CLVS1: variants seen among roughly 807,000 people sequenced by gnomAD.
CLVS1 encodes the protein clavesin-1.
A neutral mutation model predicts 33.1 loss-of-function variants in CLVS1; 10 were observed. The observed-to-expected ratio is 0.30, with a 90% CI of 0.19 to 0.51. The LOEUF (loss-of-function observed/expected upper bound fraction) is 0.51. Among genes scored for constraint, CLVS1 ranks in the 20% least tolerant of loss-of-function variants. CLVS1 has a pLI of 0.97. For missense variants in CLVS1, 343 were observed against 433.4 expected (o/e 0.79, Z 1.85); for synonymous variants, 163 against 166.1 (o/e 0.98, Z 0.14).
At chr8:61,341,116 A>G (rs1285375180) in intron 2 of CLVS1, among the ~76,000 whole-genome samples, 1 of 152,212 alleles carries the variant, frequency 6.6e-6, no homozygotes, top group South Asian at 2.1e-4. Flanking sequence ...AAAAGAATAA[A>G]TTATGCCTCG....
chr8:60,981,520 G>C, the CLVS1 span, among the ~76,000 whole-genome samples: 2 of 152,224 alleles, frequency 1.3e-5, no homozygotes, highest in African/African-American at 4.8e-5. Context: ...GTCCACGGAG[G>C]GGACTCATAC....
At chr8:61,406,933 AT>A (rs1268234756) in intron 3 of CLVS1, among the ~76,000 whole-genome samples, 1 of 152,140 alleles carries the variant, frequency 6.6e-6, no homozygotes, top group Non-Finnish European at 1.5e-5. Context: ...TCTAGGTAAA[AT>A]TGTCTAATCA....
At chr8:61,033,595 C>T in the CLVS1 span, among the ~76,000 whole-genome samples, 14 of 152,304 alleles carry the variant, frequency 9.2e-5, no homozygotes, top group East Asian at 1.9e-4. Flanking sequence ...CCTGCCTCCA[C>T]GGACTTGTGC....
chr8:61,094,857 C>A (rs141883339), intron 1 of CLVS1, among the ~76,000 whole-genome samples: 4 of 152,224 alleles, frequency 2.6e-5, no homozygotes, highest in Non-Finnish European at 4.4e-5. Flanking sequence ...TTCTTACCCA[C>A]CCGATCAGTG....
At chr8:61,048,231 C>T in the CLVS1 span, among the ~76,000 whole-genome samples, 1 of 152,198 alleles carries the variant, frequency 6.6e-6, no homozygotes, top group Non-Finnish European at 1.5e-5. Context: ...TACAGAGGTG[C>T]TGACCAAGAG....
intron 2 of CLVS1, among the ~76,000 whole-genome samples, chr8:61,224,478 T>C (rs1808287015): frequency 6.6e-6 from 1 of 152,158 alleles, no homozygotes; most frequent in Admixed American, 6.5e-5. Flanking sequence ...GCCCTATTCA[T>C]CTGATTCACT....
At chr8:61,305,124 A>C (rs1810574646) in intron 2 of CLVS1, among the ~76,000 whole-genome samples, 2 of 152,166 alleles carry the variant, frequency 1.3e-5, no homozygotes, top group Non-Finnish European at 2.9e-5. Context: ...GTTGGTGCTC[A>C]GTAAATGGGA....
intron 3 of CLVS1, among the ~76,000 whole-genome samples, chr8:61,430,083 T>G (rs1480050549): frequency 6.6e-5 from 10 of 152,238 alleles, no homozygotes; most frequent in Admixed American, 6.5e-4. Context: ...CAAATACTTG[T>G]ACTGATTTAC....
intron 3 of CLVS1, among the ~76,000 whole-genome samples, chr8:61,440,615 G>T (rs757517127): frequency 2.6e-5 from 4 of 152,204 alleles, no homozygotes; most frequent in Non-Finnish European, 4.4e-5. Context: ...AGCTAGGAAA[G>T]CTTCTGTGCT....
rs763611025 is a variant in CLVS1, at chr8:61,300,208, C to T, written c.381C>T (p.Pro127=). Residue 127 remains proline (P), a synonymous_variant, in exon 2 of 6, where the codon CCC becomes CCT. Transcript: ENST00000325897. Reference sequence around the variant, plus strand: ...AGAGGGCTCTGATCGATGGGTTCCCCGGGGTGCTGGAAAACCGAGACCATT... The same window carrying T: ...AGAGGGCTCTGATCGATGGGTTCCCTGGGGTGCTGGAAAACCGAGACCATT... The part of the protein sequence containing the change: ...GIKRALIDGF[P]GVLENRDHYG... The T allele has an allele frequency of 3.0e-5, 48 of 1,613,792 alleles. No individual in the cohort carries two copies. Among genetic ancestry groups the T allele is most frequent in the East Asian group, 1.3e-4 (6 of 44,890 alleles).
At chr8:61,144,931 A>G (rs891382974) in intron 2 of CLVS1, among the ~76,000 whole-genome samples, 1 of 152,196 alleles carries the variant, frequency 6.6e-6, no homozygotes, top group Non-Finnish European at 1.5e-5. Context: ...GGGTTTCACC[A>G]TGTTGGTCAG....
rs146732670 is a variant in CLVS1 at position 61,213,195 on chromosome 8, C to A, written c.-152+81335C>A. Among the ~76,000 whole-genome samples the A allele has an allele frequency of 1.2e-3, 180 of 150,726 alleles. 1 individual carries two copies. Among genetic ancestry groups the A allele is most frequent in the African/African-American group, 4.3e-3 (176 of 40,782 alleles). ...GGATATTCAAGGCTCAGTTTAGGTT[C>A]CCAGTTACTGAAATGTGTCCACTTG... On this transcript the variant is annotated intron_variant, in intron 2 of 2. Coordinates refer to the CLVS1 transcript ENST00000522621.
At chr8:61,379,125 T>C (rs1174028436) in intron 3 of CLVS1, among the ~76,000 whole-genome samples, 1 of 152,160 alleles carries the variant, frequency 6.6e-6, no homozygotes, top group African/African-American at 2.4e-5. Flanking sequence ...CAGCCATCCT[T>C]TGGACATGTG....
chr8:61,031,119 G>C, the CLVS1 span, among the ~76,000 whole-genome samples: 1 of 152,186 alleles, frequency 6.6e-6, no homozygotes, highest in Non-Finnish European at 1.5e-5. Context: ...TGAGAGGAAG[G>C]AAAGGAAGAT....
intron 2 of CLVS1, among the ~76,000 whole-genome samples, chr8:61,177,596 G>T (rs935732206): frequency 2.6e-5 from 4 of 152,056 alleles, no homozygotes; most frequent in African/African-American, 9.7e-5. Context: ...TCAAGTTGGC[G>T]CCCCTCAAGG....
chr8:61,143,927 T>A (rs1053443276), intron 2 of CLVS1, among the ~76,000 whole-genome samples: 3 of 149,922 alleles, frequency 2.0e-5, no homozygotes, highest in African/African-American at 4.9e-5. Flanking sequence ...GATGGAGAGA[T>A]GAAACATCTT....
intron 2 of CLVS1, among the ~76,000 whole-genome samples, chr8:61,169,740 G>C (rs973389978): frequency 2.0e-5 from 3 of 152,056 alleles, no homozygotes; most frequent in African/African-American, 7.2e-5. Flanking sequence ...TATAAAGATG[G>C]TGTTTAAGCC....
the CLVS1 span, among the ~76,000 whole-genome samples, chr8:61,002,462 G>A: frequency 6.6e-6 from 1 of 151,434 alleles, no homozygotes; most frequent in Admixed American, 6.6e-5. Context: ...CTGAGTAGCT[G>A]GGATTACAGG....
At chr8:61,131,117 G>A (rs1014083754) in intron 1 of CLVS1, among the ~76,000 whole-genome samples, 1 of 152,182 alleles carries the variant, frequency 6.6e-6, no homozygotes, top group Non-Finnish European at 1.5e-5. Context: ...CCACCCTAAT[G>A]TGAGCCTCTT....
Sources: allele counts gnomAD v4.1 joint callset (sites outside exome capture counted in the v4.1 genomes callset), GRCh38; gene constraint gnomAD v4.1.1; transcripts MANE v1.5; gene names NCBI Gene and HGNC (gene_info 2026-07-23, HGNC 2026-07-21).